CWH43: variants seen among roughly 807,000 people sequenced by gnomAD.
The protein encoded by CWH43 is PGAP2-interacting protein.
CWH43 carries 91 observed loss-of-function variants against 85.7 expected under a neutral mutation model. That is an observed-to-expected ratio of 1.06 (90% confidence interval 0.90 to 1.26). The LOEUF is 1.26. CWH43 is among the 50% of genes most tolerant of loss of function. The pLI, the probability that CWH43 is intolerant of heterozygous loss-of-function variation, is 0.00. For missense variants in CWH43, 869 were observed against 839.2 expected (o/e 1.04, Z -0.44); for synonymous variants, 323 against 293.6 (o/e 1.10, Z -1.02).
At chr4:49,047,550 G>A (rs1198733105) in intron 14 of CWH43, among the ~76,000 whole-genome samples, 2 of 152,136 alleles carry the variant, frequency 1.3e-5, no homozygotes, top group Non-Finnish European at 1.5e-5. Context: ...AGATTGGAAG[G>A]AGGGAGCCAT....
At chr4:49,050,965 T>C in intron 15 of CWH43, 116 bp downstream of exon 15, 1 of 688,536 alleles carries the variant, frequency 1.5e-6, no homozygotes, top group East Asian at 2.9e-5. Context: ...TTATTCCAGG[T>C]AAGGGAGACT....
intron 8 of CWH43, among the ~76,000 whole-genome samples, chr4:49,010,862 C>A (rs1285817209): frequency 2.0e-5 from 3 of 152,076 alleles, no homozygotes; most frequent in Non-Finnish European, 2.9e-5. Flanking sequence ...GATTTTGGTT[C>A]TTTTATGTTT....
At chr4:49,010,056 A>C (rs2109771949) in intron 8 of CWH43, among the ~76,000 whole-genome samples, 1 of 152,298 alleles carries the variant, frequency 6.6e-6, no homozygotes, top group East Asian at 1.9e-4. Flanking sequence ...GTATGTTACC[A>C]GCTCTTCTTT....
chr4:49,025,570 T>G (rs1288556430), intron 9 of CWH43, among the ~76,000 whole-genome samples: 2 of 152,212 alleles, frequency 1.3e-5, no homozygotes, highest in Non-Finnish European at 2.9e-5. Context: ...TGCTCTCCCC[T>G]TTTCCCCAGG....
intron 1 of CWH43, 150 bp from the exon 2 acceptor site, chr4:48,988,325 TTC>T: frequency 1.2e-5 from 6 of 488,508 alleles, no homozygotes; most frequent in South Asian, 4.5e-5. Context: ...TCTTGTTTTG[TTC>T]CATGTCAGTG....
chr4:49,031,899 C>A (rs747648599), intron 11 of CWH43, among the ~76,000 whole-genome samples: 1 of 152,160 alleles, frequency 6.6e-6, no homozygotes, highest in Non-Finnish European at 1.5e-5. Context: ...CATCAGGAGA[C>A]CTTTAGGTTT....
chr4:49,022,547 G>T (rs1783784234), intron 9 of CWH43, among the ~76,000 whole-genome samples: 1 of 152,114 alleles, frequency 6.6e-6, no homozygotes, highest in African/African-American at 2.4e-5. Flanking sequence ...TGGTATTAGG[G>T]TGATACTGGC....
chr4:48,988,965 C>G (rs1220342089), intron 2 of CWH43, among the ~76,000 whole-genome samples: 1 of 152,116 alleles, frequency 6.6e-6, no homozygotes, highest in Non-Finnish European at 1.5e-5. Flanking sequence ...TTCTTTCCAA[C>G]TGTGACATAA....
intron 5 of CWH43, among the ~76,000 whole-genome samples, chr4:48,995,784 C>A (rs1782791582): frequency 6.6e-6 from 1 of 152,226 alleles, no homozygotes; most frequent in Non-Finnish European, 1.5e-5. Flanking sequence ...TTAACCCCTT[C>A]TTCTCTATCC....
At chr4:49,017,034 C>G in intron 8 of CWH43, 1 of 755,628 alleles carries the variant, frequency 1.3e-6, no homozygotes, top group Non-Finnish European at 2.5e-6. Flanking sequence ...TGGGGGAGAG[C>G]AAACCACCTC....
intron 9 of CWH43, among the ~76,000 whole-genome samples, 179 bp from the exon 10 acceptor site, chr4:49,028,450 A>C (rs1179726920): frequency 6.6e-6 from 1 of 152,242 alleles, no homozygotes; most frequent in Non-Finnish European, 1.5e-5. Flanking sequence ...ACAGAAGACT[A>C]ATTTGAGAAT....
chr4:48,998,418 A>G, intron 5 of CWH43, 42 bp from the exon 6 acceptor site: 3 of 1,407,444 alleles, frequency 2.1e-6, no homozygotes, highest in Non-Finnish European at 3.0e-6. Context: ...ATGATGAAAT[A>G]TTACTAATGT....
At chr4:49,040,232 A>T (rs986976027) in intron 13 of CWH43, among the ~76,000 whole-genome samples, 18 of 152,192 alleles carry the variant, frequency 1.2e-4, no homozygotes, top group Non-Finnish European at 2.5e-4. Context: ...TAATAGCAGC[A>T]TGATTTATAA....
chr4:48,986,291 C>G lies in CWH43; in HGVS notation c.-139C>G. The G allele has an allele frequency of 1.2e-6, 1 of 827,366 alleles. No individual in the cohort carries two copies. Among genetic ancestry groups the G allele is most frequent in the Non-Finnish European group, 1.8e-6 (1 of 544,676 alleles). 51.3% of individuals were successfully genotyped at this position (827,366 alleles called of 1,614,324 possible). A position where few individuals can be genotyped will look rare whatever the true frequency, so the allele number is the denominator to read the frequency against. On this transcript the variant is annotated 5_prime_UTR_variant, in exon 1 of 16. Transcript: ENST00000226432. The stretch of plus-strand genomic sequence containing the variant: ...AAGTGGGTCAGTTGGCTGGGGCTCA[C>G]TTGGCAACGGGACGCGGGAACGAGG...
In CWH43 at chr4:49,007,178, A is replaced by G. The variant is rs139130649; in HGVS notation, c.1061-23A>G. On this transcript the variant is annotated intron_variant, in intron 7 of 15. Coordinates refer to ENST00000226432, the MANE Select transcript of CWH43 (RefSeq NM_025087.3). ...GGATTTTTGGATCAGACTATAACAT[A>G]TTCTTTCTTTCTCTTATAACAGGGA... The G allele has an allele frequency of 2.2e-3, 3,479 of 1,596,754 alleles. 8 individuals are homozygous for G. Among genetic ancestry groups the G allele is most frequent in the Non-Finnish European group, 2.6e-3 (3,079 of 1,173,998 alleles).
chr4:49,013,212 C>A (rs1343417380), intron 8 of CWH43, among the ~76,000 whole-genome samples: 3 of 152,254 alleles, frequency 2.0e-5, no homozygotes, highest in Non-Finnish European at 2.9e-5. Context: ...GATGCCCCTC[C>A]CCCAACCAGG....
chr4:48,992,779 C>A lies in CWH43; in HGVS notation c.511+689C>A, dbSNP rs547243805. 6.6e-6 allele frequency among the ~76,000 whole-genome samples: 1 copy of A among 152,282 alleles called. No individual in the cohort carries two copies. The highest frequency in any genetic ancestry group is 2.1e-4 in the South Asian group (1 of 4,826). ...TCAGTGAGTCACTGTTCTTCTGTAACTACAAGGTGAAATCTCACAGACTAA... is the reference window on the plus strand; with the variant it reads ...TCAGTGAGTCACTGTTCTTCTGTAAATACAAGGTGAAATCTCACAGACTAA... On this transcript the variant is annotated intron_variant, in intron 4 of 15. Coordinates refer to ENST00000226432, the MANE Select transcript of CWH43 (RefSeq NM_025087.3). This position sits in a 1 kb window ranked among gnomAD's most constrained non-coding sequence, Gnocchi z 4.3.
chr4:49,022,105 A>G (rs1415513378), intron 9 of CWH43, among the ~76,000 whole-genome samples: 1 of 152,170 alleles, frequency 6.6e-6, no homozygotes, highest in Non-Finnish European at 1.5e-5. Flanking sequence ...TAATGGTGAA[A>G]GTGGGCATCC....
At chr4:49,013,766 A>T (rs1442067545) in intron 8 of CWH43, among the ~76,000 whole-genome samples, 2 of 152,180 alleles carry the variant, frequency 1.3e-5, no homozygotes, top group Non-Finnish European at 2.9e-5. Context: ...ATTTGTTCTA[A>T]TGGTTGAGAC....
Sources: gnomAD v4.1 joint callset for allele counts (sites outside exome capture counted in the v4.1 genomes callset) on GRCh38, gnomAD v4.1.1 for gene constraint, Gnocchi (gnomAD v3.1) non-coding constraint, MANE v1.5 for transcripts, NCBI Gene and HGNC (gene_info 2026-07-23, HGNC 2026-07-21) for gene names.